Variants in IGF2R observed in about 807,000 individuals in gnomAD.
The protein encoded by IGF2R is cation-independent mannose-6-phosphate receptor.
In IGF2R, 91 loss-of-function variants were observed where a neutral mutation model predicts 270.6. That is an observed-to-expected ratio of 0.34 (90% CI 0.28 to 0.40). The LOEUF (loss-of-function observed/expected upper bound fraction) is 0.40, where lower values mean the gene tolerates loss of function less well. Among genes scored for constraint, IGF2R ranks in the 10% least tolerant of loss-of-function variants. The pLI is 1.00. For missense variants in IGF2R, 2,805 were observed against 3,188.3 expected, an observed-to-expected ratio of 0.88 and a Z score of 2.90; for synonymous variants, 1,316 against 1,258.9, an observed-to-expected ratio of 1.05 and a Z score of -0.96.
At chr6:160,081,646 T>G (rs1342211737) in intron 39 of IGF2R, among the ~76,000 whole-genome samples, 1 of 152,208 alleles carries the variant, frequency 6.6e-6, no homozygotes, top group Non-Finnish European at 1.5e-5. Context: ...TGCAACTGCA[T>G]AAGGCAGACA....
At chr6:160,093,655 C>T (rs1269186959) in intron 44 of IGF2R, 1 of 743,642 alleles carries the variant, frequency 1.3e-6, no homozygotes, top group East Asian at 2.5e-5. Context: ...TCCGTGGATT[C>T]CTGCAAACTC....
In IGF2R at chr6:160,090,004, C is replaced by T; in HGVS notation, c.6556C>T (p.Pro2186Ser). Residue 2186 changes from proline (P) to serine (S), a missense_variant, in exon 44 of 48, where the codon CCG (proline) becomes TCG (serine). By Grantham distance (74) the Pro-to-Ser change is moderately conservative. Around this residue, in one of 2 missense-constraint regions of IGF2R, gnomAD observed 1,851 missense variants for 2,207.2 expected, o/e 0.84. Transcript: ENST00000356956. ...TTCCTCCATCACAAGCTCCAGAAAC[C>T]CGGCGTGCTCTGGAGCCAACATATG... ...QLSSITSSRN[P>S]ACSGANICQV... 1.2e-6 allele frequency: 2 copies of T among 1,606,730 alleles called. No individual in the cohort carries two copies. Among genetic ancestry groups the T allele is most frequent in the Non-Finnish European group, 1.7e-6 (2 of 1,176,710 alleles).
chr6:160,032,904 T>TAA, intron 8 of IGF2R, 38 bp from the exon 9 acceptor site: 1 of 1,526,716 alleles, frequency 6.6e-7, no homozygotes, highest in Non-Finnish European at 9.0e-7. Context: ...CCTATTCATA[T>TAA]AAAACAAGCC....
intron 4 of IGF2R, among the ~76,000 whole-genome samples, chr6:160,023,819 A>G (rs1777492141): frequency 6.6e-6 from 1 of 152,200 alleles, no homozygotes; most frequent in Non-Finnish European, 1.5e-5. Context: ...GAGGTCACCA[A>G]GGGATTGGGT....
At chr6:160,012,284 C>A (rs1784346001) in intron 4 of IGF2R, among the ~76,000 whole-genome samples, 2 of 152,122 alleles carry the variant, frequency 1.3e-5, no homozygotes, top group Admixed American at 6.6e-5. Flanking sequence ...AAGCAGACAT[C>A]TGTTTGGGGT....
intron 29 of IGF2R, among the ~76,000 whole-genome samples, chr6:160,067,372 C>G (rs1393607695): frequency 6.6e-6 from 1 of 152,174 alleles, no homozygotes; most frequent in South Asian, 2.1e-4. Context: ...CTCTGCCCCC[C>G]GAACTTCATA....
intron 2 of IGF2R, chr6:160,006,456 C>T (rs951390741): frequency 6.7e-6 from 1 of 149,466 alleles, no homozygotes; most frequent in Non-Finnish European, 1.5e-5. Flanking sequence ...TGTCCAGGCG[C>T]GGGAGCTGTC....
At position 160,083,811 on chromosome 6, in the gene IGF2R, A is replaced by G. The variant is rs533979086; in HGVS notation, c.5834-139A>G. The G allele has an allele frequency of 5.8e-5, 38 of 655,590 alleles. No individual in the cohort carries two copies. The African/African-American group carries it at 6.4e-4, about 11-fold the overall frequency. The allele number at this position is 655,590 out of a possible 1,614,324, so 40.6% of individuals were successfully genotyped here. ...TGGCTGGGGCAGAGTGGCTGGGGCAAAGCTACAAATTAACAACATCTCAGC... is the reference window on the plus strand; with the variant it reads ...TGGCTGGGGCAGAGTGGCTGGGGCAGAGCTACAAATTAACAACATCTCAGC... On this transcript the variant is annotated intron_variant, in intron 39 of 47. Transcript: ENST00000356956.
At chr6:159,993,985 A>ATTTGT (rs1784015583) in intron 2 of IGF2R, among the ~76,000 whole-genome samples, 1 of 61,028 alleles carries the variant, frequency 1.6e-5, no homozygotes, top group Non-Finnish European at 3.1e-5. Context: ...CTCCAACTTG[A>ATTTGT]TTTTTTTTTT....
chr6:160,076,345 G>T (rs990704291), intron 36 of IGF2R, among the ~76,000 whole-genome samples: 60 of 152,200 alleles, frequency 3.9e-4, no homozygotes, highest in Admixed American at 2.8e-3. Flanking sequence ...AAAGACATTT[G>T]GGCAGCTATA....
intron 23 of IGF2R, 94 bp from the exon 24 acceptor site, chr6:160,061,409 C>T: frequency 8.8e-7 from 1 of 1,138,908 alleles, no homozygotes; most frequent in Non-Finnish European, 1.3e-6. Flanking sequence ...ATGCCAGGTT[C>T]ACGCCTCCTC....
rs771627194 is a variant in IGF2R, at chr6:160,105,691, GGCACACACACGTGCGTGCGA to G, written c.*618_*637del. 6 of 152,282 alleles carry G rather than the reference GGCACACACACGTGCGTGCGA, an allele frequency of 3.9e-5. No individual in the cohort carries two copies. The highest frequency in any genetic ancestry group is 8.8e-5 in the Non-Finnish European group (6 of 68,388). The allele number at this position is 152,282 out of a possible 1,614,324, so 9.4% of individuals were successfully genotyped here. A position where few individuals can be genotyped will look rare whatever the true frequency, so the allele number is the denominator to read the frequency against. The stretch of plus-strand genomic sequence containing the variant: ...TCTCTTTTGCTTTCTGTTTCTTAAG[GGCACACACACGTGCGTGCGA>G]GCACACACACACATACGTGCACAGG... On this transcript the variant is annotated 3_prime_UTR_variant, in exon 48 of 48. Coordinates refer to ENST00000356956, the MANE Select transcript of IGF2R (RefSeq NM_000876.4).
At chr6:160,077,952 G>A (rs1268390111) in intron 36 of IGF2R, among the ~76,000 whole-genome samples, 8 of 152,184 alleles carry the variant, frequency 5.3e-5, no homozygotes, top group Non-Finnish European at 1.2e-4. Flanking sequence ...GAACATTGAG[G>A]CTTTCTCTCT....
intron 1 of IGF2R, among the ~76,000 whole-genome samples, chr6:159,974,112 A>T (rs1783653153): frequency 6.6e-6 from 1 of 152,182 alleles, no homozygotes; most frequent in African/African-American, 2.4e-5. Context: ...TCCACCAGTG[A>T]TGTATGAGAG....
At position 160,069,918 on chromosome 6, in the gene IGF2R, GT is replaced by G; in HGVS notation, c.4304del (p.Val1435GlyfsTer6). On this transcript the variant is annotated frameshift_variant, in exon 31 of 48. Coordinates refer to ENST00000356956, the MANE Select transcript of IGF2R (RefSeq NM_000876.4). LOFTEE classifies it high-confidence loss of function. ...AACLLGGSKP[V>X]NLGRVRDGPQ... ...GTGTCTGCTGGGTGGCTCCAAGCCC[GT>G]GAACCTCGGCAGGGTAAGGGACGGA... 1 of 1,614,200 alleles carries G rather than the reference GT, an allele frequency of 6.2e-7. No homozygotes were observed. Among genetic ancestry groups the G allele is most frequent in the Non-Finnish European group, 8.5e-7 (1 of 1,180,028 alleles).
At chr6:160,032,800 A>G (rs1777727617) in intron 8 of IGF2R, 87 bp downstream of exon 8, 2 of 1,468,318 alleles carry the variant, frequency 1.4e-6, no homozygotes, top group South Asian at 1.3e-5. Context: ...AAGTCAGTCC[A>G]TGCATGCTTC....
At chr6:159,982,626 C>G (rs1783823377) in intron 1 of IGF2R, among the ~76,000 whole-genome samples, 1 of 152,184 alleles carries the variant, frequency 6.6e-6, no homozygotes, top group Admixed American at 6.5e-5. Context: ...TCCCATCCTG[C>G]CTTTATCTTG....
chr6:160,034,377 G>T (rs1329978855), intron 9 of IGF2R, 42 bp from the exon 10 acceptor site: 3 of 1,315,526 alleles, frequency 2.3e-6, no homozygotes, highest in Admixed American at 1.7e-5. Flanking sequence ...TTTTTTCTTG[G>T]TTCTCCCAAA....
At chr6:160,087,895 C>G (rs1401831861) in intron 41 of IGF2R, 138 bp from the exon 42 acceptor site, 1 of 618,874 alleles carries the variant, frequency 1.6e-6, no homozygotes, top group Non-Finnish European at 3.0e-6. Context: ...AGGCTGGTCT[C>G]TAACTCCTGA....
Sources: allele counts gnomAD v4.1 joint callset (sites outside exome capture counted in the v4.1 genomes callset), GRCh38; gene constraint gnomAD v4.1.1; regional missense constraint gnomAD v4.1.1; transcripts MANE v1.5; gene names NCBI Gene and HGNC (gene_info 2026-07-23, HGNC 2026-07-21).